CPE: variants seen among roughly 807,000 people sequenced by gnomAD.
CPE encodes the protein carboxypeptidase E, also known as carbocypeptidase E.
In CPE, 17 loss-of-function variants were observed where a neutral mutation model predicts 53.5. The ratio of observed to expected loss-of-function variants is 0.32; its 90% confidence interval spans 0.22 to 0.48. The LOEUF (loss-of-function observed/expected upper bound fraction) is 0.48. CPE is among the 20% of genes least tolerant of loss of function. The pLI, the probability that CPE is intolerant of heterozygous loss-of-function variation, is 0.99. For missense variants in CPE, 524 were observed against 614.7 expected (o/e 0.85, Z 1.56); for synonymous variants, 226 against 228.8 (o/e 0.99, Z 0.11).
At chr4:165,432,966 C>G (rs1275358015) in intron 1 of CPE, among the ~76,000 whole-genome samples, 2 of 152,210 alleles carry the variant, frequency 1.3e-5, no homozygotes, top group Non-Finnish European at 2.9e-5. Context: ...CCAACAGCCT[C>G]TTTTGCCTGG....
At chr4:165,394,778 T>A (rs537181108) in intron 1 of CPE, among the ~76,000 whole-genome samples, 55 of 152,124 alleles carry the variant, frequency 3.6e-4, no homozygotes, top group Non-Finnish European at 6.8e-4. Flanking sequence ...GTTGAGAATG[T>A]TTTCCAAACC....
chr4:165,430,897 AC>A (rs1272356056), intron 1 of CPE, among the ~76,000 whole-genome samples: 2 of 152,174 alleles, frequency 1.3e-5, no homozygotes, highest in Admixed American at 1.3e-4. Context: ...GGCCTCTGCC[AC>A]CACCTCAGTA....
chr4:165,417,914 A>G (rs1731151993), intron 1 of CPE, among the ~76,000 whole-genome samples: 1 of 152,072 alleles, frequency 6.6e-6, no homozygotes, highest in African/African-American at 2.4e-5. Context: ...ACAAAGTCTG[A>G]CTTACTTTTT....
chr4:165,492,788 G>A (rs1560898384), intron 6 of CPE, among the ~76,000 whole-genome samples: 1 of 152,208 alleles, frequency 6.6e-6, no homozygotes, highest in Non-Finnish European at 1.5e-5. Flanking sequence ...ACCAGGCCCA[G>A]GGTGTGGCCC....
intron 1 of CPE, among the ~76,000 whole-genome samples, chr4:165,429,802 A>G (rs1171055769): frequency 1.3e-5 from 2 of 152,216 alleles, no homozygotes; most frequent in African/African-American, 4.8e-5. Flanking sequence ...AATAATAAGC[A>G]ACCAAGACTG....
chr4:165,469,441 C>T (rs572506458), intron 3 of CPE, among the ~76,000 whole-genome samples: 66 of 152,178 alleles, frequency 4.3e-4, no homozygotes, highest in Middle Eastern at 6.8e-3. Context: ...AAGCTGGCTT[C>T]GATACCCTAT....
At chr4:165,422,976 C>CA (rs58058891) in intron 1 of CPE, among the ~76,000 whole-genome samples, 18,252 of 76,760 alleles carry the variant, frequency 0.24, 2,444 homozygotes, top group East Asian at 0.37. Flanking sequence ...AACTCTGTCT[C>CA]AAAAAAAAAA....
intron 1 of CPE, among the ~76,000 whole-genome samples, chr4:165,427,835 C>T (rs1731347037): frequency 6.6e-6 from 1 of 151,894 alleles, no homozygotes; most frequent in Admixed American, 6.6e-5. Flanking sequence ...TCCAAAGCAC[C>T]CATACGTTGC....
chr4:165,464,327 A>G (rs1177230466), intron 1 of CPE, 63 bp from the exon 2 acceptor site: 3 of 1,264,772 alleles, frequency 2.4e-6, no homozygotes, highest in South Asian at 3.2e-5. Flanking sequence ...ATTTGTAGGT[A>G]TACAATATAT....
chr4:165,422,584 C>G (rs951708702), intron 1 of CPE, among the ~76,000 whole-genome samples: 2 of 152,176 alleles, frequency 1.3e-5, no homozygotes, highest in African/African-American at 4.8e-5. Flanking sequence ...ACCTGTGACA[C>G]AGCCTTAGGA....
intron 1 of CPE, among the ~76,000 whole-genome samples, chr4:165,394,197 G>C (rs1374317916): frequency 6.6e-6 from 1 of 152,160 alleles, no homozygotes; most frequent in Non-Finnish European, 1.5e-5. Flanking sequence ...AATTACTTTG[G>C]GAGATGGGAT....
At chr4:165,413,285 G>C (rs1337805684) in intron 1 of CPE, among the ~76,000 whole-genome samples, 2 of 152,076 alleles carry the variant, frequency 1.3e-5, no homozygotes, top group African/African-American at 4.8e-5. Context: ...CTGAGTCCAC[G>C]GGCCTGGAAA....
intron 1 of CPE, among the ~76,000 whole-genome samples, chr4:165,417,792 A>G (rs1468861712): frequency 1.3e-5 from 1 of 74,112 alleles, no homozygotes; most frequent in Non-Finnish European, 3.1e-5. Flanking sequence ...AAAAAAAAAG[A>G]CATTAAATCT....
At chr4:165,440,826 G>T (rs937122283) in intron 1 of CPE, among the ~76,000 whole-genome samples, 1 of 152,072 alleles carries the variant, frequency 6.6e-6, no homozygotes, top group African/African-American at 2.4e-5. Flanking sequence ...CTGCCTCCGA[G>T]ACCTGGAACT....
At chr4:165,447,567 T>C (rs1477846410) in intron 1 of CPE, among the ~76,000 whole-genome samples, 2 of 132,004 alleles carry the variant, frequency 1.5e-5, no homozygotes, top group Admixed American at 7.4e-5. Context: ...GGAGACTCTG[T>C]CTTTAAAAAA....
intron 1 of CPE, among the ~76,000 whole-genome samples, chr4:165,447,812 T>A (rs1332613604): frequency 6.6e-6 from 1 of 152,112 alleles, no homozygotes; most frequent in Non-Finnish European, 1.5e-5. Flanking sequence ...TTTCTACTTT[T>A]TAAATTCTTT....
chr4:165,400,676 C>T (rs1161162399), intron 1 of CPE, among the ~76,000 whole-genome samples: 3 of 152,172 alleles, frequency 2.0e-5, no homozygotes, highest in Admixed American at 2.0e-4. Flanking sequence ...TTCTCTCACC[C>T]ATTCATCAAA....
intron 1 of CPE, among the ~76,000 whole-genome samples, chr4:165,427,645 C>T (rs1731344690): frequency 6.6e-6 from 1 of 152,146 alleles, no homozygotes; most frequent in Admixed American, 6.5e-5. Context: ...GATTGTCTTC[C>T]ATAGCAAGTA....
rs1732471898 is a variant in CPE at position 165,484,530 on chromosome 4, G to A, written c.899G>A (p.Cys300Tyr). Residue 300 changes from cysteine to tyrosine, a missense_variant, in exon 5 of 9, where the codon TGT becomes TAT. Physicochemically the swap from Cys to Tyr is radical, Grantham distance 194. Coordinates refer to ENST00000402744, the MANE Select transcript of CPE (RefSeq NM_001873.4). ...PAMSDPNRPP[C>Y]RKNDDDSSFV... Reference sequence around the variant, plus strand: ...ATGTCTGACCCCAATCGGCCACCATGTCGCAAGAATGATGATGACAGCAGC... The same window carrying A: ...ATGTCTGACCCCAATCGGCCACCATATCGCAAGAATGATGATGACAGCAGC... 1 of 1,614,128 alleles carries A rather than the reference G, an allele frequency of 6.2e-7. No individual in the cohort carries two copies. The highest frequency in any genetic ancestry group is 8.5e-7 in the Non-Finnish European group (1 of 1,179,990).
Sources: allele counts gnomAD v4.1 joint callset (sites outside exome capture counted in the v4.1 genomes callset), GRCh38; gene constraint gnomAD v4.1.1; transcripts MANE v1.5; gene names NCBI Gene and HGNC (gene_info 2026-07-23, HGNC 2026-07-21).